FRY: variants seen among roughly 807,000 people sequenced by gnomAD.
FRY encodes the protein protein furry homolog.
Under a neutral mutation model 348.4 loss-of-function variants are expected in FRY, and 128 were observed. The observed-to-expected ratio is 0.37, with a 90% confidence interval of 0.32 to 0.43. The LOEUF is 0.43. Among genes scored for constraint, FRY ranks in the 20% least tolerant of loss-of-function variants. The pLI, the probability that FRY is intolerant of heterozygous loss-of-function variation, is 1.00. For synonymous variants in FRY, 1,370 were observed against 1,374.7 expected, an observed-to-expected ratio of 1.00 and a Z score of 0.08; for missense variants, 2,736 against 3,695.2, an observed-to-expected ratio of 0.74 and a Z score of 6.73.
In FRY at chr13:32,238,057, AATATG is replaced by A. The variant is rs1391735489; in HGVS notation, c.6418+73_6418+77del. The A allele has an allele frequency of 7.9e-6, 12 of 1,524,094 alleles. No individual in the cohort carries two copies. In the South Asian group the frequency reaches 1.2e-4, roughly 16 times the overall value. The allele number at this position is 1,524,094 out of a possible 1,614,324, so 94.4% of individuals were successfully genotyped here. A position where few individuals can be genotyped will look rare whatever the true frequency, so the allele number is the denominator to read the frequency against. On this transcript the variant is annotated intron_variant, in intron 44 of 60. Coordinates refer to ENST00000542859, the MANE Select transcript of FRY (RefSeq NM_023037.3). ...TGTTCATCATTTGGTACAATAAGAT[AATATG>A]AACTTACTGCTTTTAACAATTCTGC...
At chr13:32,143,829 A>G (rs538855957) in intron 11 of FRY, among the ~76,000 whole-genome samples, 2 of 152,300 alleles carry the variant, frequency 1.3e-5, no homozygotes, top group South Asian at 4.1e-4. Flanking sequence ...GTACAGTGTT[A>G]AGTACCCTAT....
intron 1 of FRY, among the ~76,000 whole-genome samples, chr13:32,032,467 T>G (rs2138330201): frequency 6.6e-6 from 1 of 152,358 alleles, no homozygotes; most frequent in Non-Finnish European, 1.5e-5. Context: ...ATATTTGAAT[T>G]TTTAAAAATC....
chr13:32,243,927 T>TA lies in FRY; in HGVS notation c.6688-108dup, dbSNP rs140654677. The TA allele has an allele frequency of 7.4e-3, 9,070 of 1,220,394 alleles. 181 individuals carry two copies. Among genetic ancestry groups the TA allele is most frequent in the African/African-American group, 0.061 (4,066 of 67,018 alleles). 75.6% of individuals were successfully genotyped at this position (1,220,394 alleles called of 1,614,324 possible). ...GGCAACATAGCAAGACCCCATCTCC[T>TA]AAAAAAATAAAAAATAAAAAGGAAA... On this transcript the variant is annotated intron_variant, in intron 46 of 60. Transcript: ENST00000542859.
In FRY at chr13:32,178,359, C is replaced by G. The variant is rs369269394; in HGVS notation, c.2604C>G (p.His868Gln). ...SFLRQENLPK[H>Q]CPTALSYAWP... ...TCCGGCAGGAGAACTTACCCAAGCA[C>G]TGCCCCACAGCCCTCAGCTATGCCT... Residue 868 changes from histidine to glutamine, a missense_variant, in exon 21 of 61, where the codon CAC (histidine) becomes CAG (glutamine). His to Gln is a conservative substitution (Grantham distance 24). Transcript: ENST00000542859. 1.2e-6 allele frequency: 2 copies of G among 1,614,098 alleles called. No homozygotes were observed. The highest frequency in any genetic ancestry group is 2.7e-5 in the African/African-American group (2 of 74,950).
Position 32,135,097 on chromosome 13 carries a change from G to A in FRY, c.991G>A (p.Glu331Lys). Reference sequence around the variant, plus strand: ...ATCTCTATTTCAGGCTGTTAAAAATGAAGTAAATGTTCCCTGCCTTAGAAA... The same window carrying A: ...ATCTCTATTTCAGGCTGTTAAAAATAAAGTAAATGTTCCCTGCCTTAGAAA... The part of the protein sequence containing the change: ...LVPVAAAVKN[E>K]VNVPCLRNFV... The change falls in exon 10 of 61, where the codon GAA (glutamate) becomes AAA (lysine). Residue 331 changes from glutamate to lysine, a missense_variant. Physicochemically the swap from Glu to Lys is moderately conservative, Grantham distance 56 (BLOSUM62 1). Coordinates refer to ENST00000542859, the MANE Select transcript of FRY (RefSeq NM_023037.3). The A allele has an allele frequency of 6.2e-7, 1 of 1,607,914 alleles. No homozygotes were observed. Among genetic ancestry groups the A allele is most frequent in the Non-Finnish European group, 8.5e-7 (1 of 1,174,388 alleles).
At chr13:32,103,687 G>C (rs1424005685) in intron 3 of FRY, among the ~76,000 whole-genome samples, 1 of 152,142 alleles carries the variant, frequency 6.6e-6, no homozygotes, top group Non-Finnish European at 1.5e-5. Context: ...AAATAGTGCT[G>C]GGCGCAGTGG....
At chr13:32,206,492 G>A (rs1193063142) in intron 31 of FRY, among the ~76,000 whole-genome samples, 1 of 152,178 alleles carries the variant, frequency 6.6e-6, no homozygotes, top group Non-Finnish European at 1.5e-5. Context: ...TGGCCTGGCT[G>A]AGAAAGAATG....
chr13:32,231,390 G>A, intron 41 of FRY, 90 bp downstream of exon 41: 1 of 1,295,440 alleles, frequency 7.7e-7, no homozygotes, highest in South Asian at 1.2e-5. Context: ...CCTTAAAACG[G>A]TCCTGCACTC....
At chr13:32,158,490 A>G (rs927379465) in intron 16 of FRY, among the ~76,000 whole-genome samples, 14 of 152,380 alleles carry the variant, frequency 9.2e-5, no homozygotes, top group Middle Eastern at 3.4e-3. Context: ...CAAGATTAAT[A>G]ACGTTAAAAA....
chr13:32,032,644 G>A (rs1361723813), intron 1 of FRY, among the ~76,000 whole-genome samples: 2 of 152,166 alleles, frequency 1.3e-5, no homozygotes, highest in Non-Finnish European at 2.9e-5. Context: ...CAACCTCTAA[G>A]CTGCCGTGGA....
chr13:32,176,834 C>T (rs1225803803), intron 20 of FRY, among the ~76,000 whole-genome samples: 1 of 152,208 alleles, frequency 6.6e-6, no homozygotes, highest in African/African-American at 2.4e-5. Context: ...GGTGTTTTTA[C>T]AGCTGTTACT....
At chr13:32,271,391 C>G (rs1402540503) in intron 55 of FRY, among the ~76,000 whole-genome samples, 3 of 152,156 alleles carry the variant, frequency 2.0e-5, no homozygotes, top group Non-Finnish European at 4.4e-5. Context: ...CATGGAGAAA[C>G]ACCTCAAGCC....
intron 1 of FRY, among the ~76,000 whole-genome samples, chr13:32,070,720 A>T (rs1445860042): frequency 2.6e-5 from 4 of 151,958 alleles, no homozygotes; most frequent in Admixed American, 1.3e-4. Flanking sequence ...GTTTAATTAG[A>T]TCCCATTTGT....
intron 3 of FRY, among the ~76,000 whole-genome samples, chr13:32,113,940 A>C (rs561599478): frequency 6.6e-6 from 1 of 152,330 alleles, no homozygotes; most frequent in South Asian, 2.1e-4. Flanking sequence ...AAGTATGCCC[A>C]GTAGATCTAA....
intron 8 of FRY, among the ~76,000 whole-genome samples, chr13:32,133,066 GC>G (rs1161764601): frequency 1.3e-5 from 2 of 152,172 alleles, no homozygotes; most frequent in African/African-American, 4.8e-5. Context: ...GCAGATGGCT[GC>G]TGAGGGGTAG....
At chr13:32,201,320 C>A (rs1464589130) in intron 29 of FRY, among the ~76,000 whole-genome samples, 3 of 152,186 alleles carry the variant, frequency 2.0e-5, no homozygotes, top group Non-Finnish European at 4.4e-5. Context: ...GAAAAGACTT[C>A]TCTACCCCCC....
intron 4 of FRY, among the ~76,000 whole-genome samples, chr13:32,119,918 C>T (rs764724516): frequency 6.6e-6 from 1 of 152,316 alleles, no homozygotes; most frequent in East Asian, 1.9e-4. Context: ...CTTCTTAACG[C>T]GTTCTGTCAT....
Position 32,295,384 on chromosome 13 carries a change from T to C in FRY, c.8966T>C (p.Met2989Thr). 1 of 1,613,348 alleles carries C rather than the reference T, an allele frequency of 6.2e-7. No homozygotes were observed. The highest frequency in any genetic ancestry group is 8.5e-7 in the Non-Finnish European group (1 of 1,179,932). The change falls in exon 61 of 61, where the codon ATG becomes ACG. Residue 2989 changes from methionine (M) to threonine (T), a missense_variant. Met to Thr is a moderately conservative substitution (Grantham distance 81). Around this residue, in one of 9 missense-constraint regions of FRY, gnomAD observed 157 missense variants for 215.2 expected, o/e 0.73. Coordinates refer to ENST00000542859, the MANE Select transcript of FRY (RefSeq NM_023037.3). ...LMELNMEIRD[M>T]IRRAQSYRVL... ...GAGCTGAACATGGAGATCCGGGACA[T>C]GATCCGCAGGGCCCAGAGTTACCGA... is the stretch of plus-strand genomic sequence containing the variant.
chr13:32,234,011 G>T (rs1330497097), intron 41 of FRY, among the ~76,000 whole-genome samples: 1 of 151,528 alleles, frequency 6.6e-6, no homozygotes, highest in African/African-American at 2.4e-5. Context: ...TGAGGTGGGT[G>T]CAGTGGCACA....
Sources: allele counts gnomAD v4.1 joint callset (sites outside exome capture counted in the v4.1 genomes callset), GRCh38; gene constraint gnomAD v4.1.1; regional missense constraint gnomAD v4.1.1; transcripts MANE v1.5; gene names NCBI Gene and HGNC (gene_info 2026-07-23, HGNC 2026-07-21).